FSTL4: variants seen among roughly 807,000 people sequenced by gnomAD.
The protein encoded by FSTL4 is follistatin-related protein 4.
Under a neutral mutation model 78.2 loss-of-function variants are expected in FSTL4, and 28 were observed. The ratio of observed to expected loss-of-function variants is 0.36; its 90% confidence interval spans 0.27 to 0.49. The LOEUF is 0.49. Ranked by LOEUF, FSTL4 falls within the 20% of genes least tolerant of loss-of-function variation. FSTL4 has a pLI of 0.98. For synonymous variants in FSTL4, 422 were observed against 440.5 expected, an observed-to-expected ratio of 0.96 and a Z score of 0.53; for missense variants, 922 against 1,084.9, an observed-to-expected ratio of 0.85 and a Z score of 2.11.
chr5:133,292,326 C>A (rs370793253), intron 6 of FSTL4, among the ~76,000 whole-genome samples: 1 of 152,200 alleles, frequency 6.6e-6, no homozygotes, highest in East Asian at 1.9e-4. Flanking sequence ...GACCACCAGG[C>A]CTGCCTGGAA....
At chr5:133,603,475 A>G (rs1316256851) in intron 2 of FSTL4, among the ~76,000 whole-genome samples, 1 of 152,246 alleles carries the variant, frequency 6.6e-6, no homozygotes, top group Non-Finnish European at 1.5e-5. Context: ...ATTTCTTTTC[A>G]AATATATTTT....
chr5:133,231,920 C>T (rs1183713747), intron 8 of FSTL4, among the ~76,000 whole-genome samples: 5 of 152,130 alleles, frequency 3.3e-5, no homozygotes, highest in African/African-American at 4.8e-5. Flanking sequence ...TGGGAAACAC[C>T]GACCATTCCC....
intron 14 of FSTL4, chr5:133,207,951 C>G (rs909437618): frequency 1.3e-5 from 2 of 152,104 alleles, no homozygotes; most frequent in Admixed American, 1.3e-4. Flanking sequence ...GCACCTGGCT[C>G]CTACTCTTTT....
At chr5:133,224,317 T>C (rs1252159550) in intron 10 of FSTL4, 101 bp from the exon 11 acceptor site, 1 of 825,482 alleles carries the variant, frequency 1.2e-6, no homozygotes, top group Non-Finnish European at 2.1e-6. Context: ...TTTATGAAGA[T>C]CCTGGTACCT....
chr5:133,357,001 CA>C (rs1320498681), intron 4 of FSTL4, among the ~76,000 whole-genome samples: 2 of 152,206 alleles, frequency 1.3e-5, no homozygotes, highest in African/African-American at 4.8e-5. Context: ...GCCCAGCACC[CA>C]ACTAAAGGTT....
At chr5:133,636,267 A>G in the FSTL4 span, among the ~76,000 whole-genome samples, 2 of 152,308 alleles carry the variant, frequency 1.3e-5, no homozygotes, top group African/African-American at 4.8e-5. Flanking sequence ...GGCTGGGCTC[A>G]TCTGCCACAG....
the FSTL4 span, among the ~76,000 whole-genome samples, chr5:133,784,406 C>T: frequency 6.6e-6 from 1 of 152,162 alleles, no homozygotes; most frequent in African/African-American, 2.4e-5. Flanking sequence ...CTGAAAGTCC[C>T]ACACACATGT....
chr5:133,278,270 T>C (rs1460992609), intron 6 of FSTL4, among the ~76,000 whole-genome samples: 1 of 152,184 alleles, frequency 6.6e-6, no homozygotes, highest in Non-Finnish European at 1.5e-5. Context: ...TGGGGTTCCA[T>C]GTGGCATGTC....
intron 3 of FSTL4, among the ~76,000 whole-genome samples, chr5:133,536,627 C>A (rs1056084876): frequency 2.1e-4 from 32 of 151,956 alleles, no homozygotes; most frequent in Admixed American, 1.6e-3. Flanking sequence ...AATAACAATA[C>A]AGTGATTATC....
the FSTL4 span, among the ~76,000 whole-genome samples, chr5:133,748,209 A>C: frequency 6.6e-6 from 1 of 151,088 alleles, no homozygotes; most frequent in Non-Finnish European, 1.5e-5. Flanking sequence ...AGAAGAAGAA[A>C]AAAAAAAAGC....
the FSTL4 span, among the ~76,000 whole-genome samples, chr5:133,652,393 C>T: frequency 6.6e-6 from 1 of 152,034 alleles, no homozygotes; most frequent in African/African-American, 2.4e-5. Flanking sequence ...CAGTGCTATA[C>T]ATTTTTCTCT....
At chr5:133,793,067 A>T in the FSTL4 span, among the ~76,000 whole-genome samples, 1 of 152,126 alleles carries the variant, frequency 6.6e-6, no homozygotes, top group Admixed American at 6.5e-5. Context: ...GGAAGAAAAA[A>T]CTTAAAATAC....
chr5:133,747,423 T>C, the FSTL4 span, among the ~76,000 whole-genome samples: 4,442 of 152,164 alleles, frequency 0.029, 235 homozygotes, highest in African/African-American at 0.1. Flanking sequence ...TGCTAATCAA[T>C]CCTGATGGCA....
At chr5:133,259,581 G>A (rs1303191525) in intron 6 of FSTL4, among the ~76,000 whole-genome samples, 4 of 144,676 alleles carry the variant, frequency 2.8e-5, no homozygotes, top group South Asian at 4.3e-4. Context: ...TGCGCGGCAC[G>A]ATCTTGGCTC....
chr5:133,520,573 T>C (rs749242000), intron 3 of FSTL4, among the ~76,000 whole-genome samples: 19 of 152,010 alleles, frequency 1.2e-4, no homozygotes, highest in Non-Finnish European at 2.5e-4. Flanking sequence ...AAGTGTGAAA[T>C]TAGGGGGCTG....
intron 8 of FSTL4, among the ~76,000 whole-genome samples, chr5:133,230,878 T>C (rs535037515): frequency 1.3e-5 from 2 of 152,336 alleles, no homozygotes; most frequent in South Asian, 2.1e-4. Flanking sequence ...GACTCTTCTA[T>C]GAGCACTCCT....
intron 14 of FSTL4, among the ~76,000 whole-genome samples, chr5:133,206,245 T>C (rs538934174): frequency 1.3e-5 from 2 of 152,304 alleles, no homozygotes; most frequent in African/African-American, 2.4e-5. Context: ...GTAATTGCTC[T>C]AGCTCAAGTT....
intron 12 of FSTL4, among the ~76,000 whole-genome samples, chr5:133,220,211 C>G (rs1751046768): frequency 6.6e-6 from 1 of 152,122 alleles, no homozygotes; most frequent in South Asian, 2.1e-4. Flanking sequence ...ACACTATAGT[C>G]CTGTCCTCAA....
intron 6 of FSTL4, among the ~76,000 whole-genome samples, chr5:133,293,961 C>T (rs1205871387): frequency 2.6e-5 from 4 of 152,170 alleles, no homozygotes; most frequent in Non-Finnish European, 5.9e-5. Flanking sequence ...TGGCACGGGA[C>T]GAGTTGGCCA....
Sources: allele counts gnomAD v4.1 joint callset (sites outside exome capture counted in the v4.1 genomes callset), GRCh38; gene constraint gnomAD v4.1.1; transcripts MANE v1.5; gene names NCBI Gene and HGNC (gene_info 2026-07-23, HGNC 2026-07-21).